Variants in MED13 observed in about 807,000 individuals in gnomAD.
The protein encoded by MED13 is mediator complex subunit 13.
In MED13, 23 loss-of-function variants were observed where a neutral mutation model predicts 225.2. The observed-to-expected ratio is 0.10, with a 90% CI of 0.07 to 0.14. The LOEUF (loss-of-function observed/expected upper bound fraction) is 0.14, where lower values mean the gene tolerates loss of function less well. Ranked by LOEUF, MED13 falls within the 10% of genes least tolerant of loss-of-function variation. MED13 has a pLI of 1.00. For missense variants in MED13, 2,197 were observed against 2,594.5 expected (o/e 0.85, Z 3.33); for synonymous variants, 942 against 889.2 (o/e 1.06, Z -1.06).
chr17:62,033,085 G>A (rs2080771782), intron 5 of MED13, among the ~76,000 whole-genome samples: 1 of 152,044 alleles, frequency 6.6e-6, no homozygotes, highest in Admixed American at 6.6e-5. Flanking sequence ...GGGAGGCGGA[G>A]GAGGTTGCAG....
At chr17:62,062,507 A>G (rs1345335446) in intron 2 of MED13, among the ~76,000 whole-genome samples, 7 of 152,170 alleles carry the variant, frequency 4.6e-5, no homozygotes, top group Admixed American at 1.3e-4. Context: ...TTCCAAAAAT[A>G]ACTAAATTAA....
intron 11 of MED13, among the ~76,000 whole-genome samples, chr17:61,990,639 A>ATG (rs2080289340): frequency 1.4e-5 from 2 of 147,208 alleles, no homozygotes; most frequent in Admixed American, 6.7e-5. Context: ...ATATATATAT[A>ATG]TATATATATA....
At chr17:61,954,201 G>A (rs895366994) in intron 26 of MED13, among the ~76,000 whole-genome samples, 2 of 152,092 alleles carry the variant, frequency 1.3e-5, no homozygotes, top group Admixed American at 6.6e-5. Flanking sequence ...TATAACACAC[G>A]AAAACAAGAG....
At chr17:61,965,581 A>G (rs1051473013) in intron 19 of MED13, 113 bp from the exon 20 acceptor site, 14 of 1,113,680 alleles carry the variant, frequency 1.3e-5, no homozygotes, top group Non-Finnish European at 1.7e-5. Context: ...TGGTAATTAT[A>G]GCCCCGAAAT....
Position 62,063,309 on chromosome 17 carries a change from A to G in MED13, c.67-8T>C. On this transcript the variant is annotated splice_region_variant and splice_polypyrimidine_tract_variant and intron_variant, in intron 1 of 29. Coordinates refer to ENST00000397786, the MANE Select transcript of MED13 (RefSeq NM_005121.3). ...AATTCCTGTCAAGTCAGCCTGAAGGAAAGAAAGCATTAAGTTTTATTACTG... is the reference window on the plus strand; with the variant it reads ...AATTCCTGTCAAGTCAGCCTGAAGGGAAGAAAGCATTAAGTTTTATTACTG... 6.3e-7 allele frequency: 1 copy of G among 1,590,442 alleles called. No homozygotes were observed.
intron 2 of MED13, among the ~76,000 whole-genome samples, chr17:62,057,150 A>T (rs1374113287): frequency 6.6e-6 from 1 of 152,244 alleles, no homozygotes; most frequent in Non-Finnish European, 1.5e-5. Context: ...AAAACTATTA[A>T]AATGTAACAT....
chr17:62,020,833 C>T (rs201139061), intron 8 of MED13, among the ~76,000 whole-genome samples: 22 of 151,358 alleles, frequency 1.5e-4, no homozygotes, highest in Non-Finnish European at 2.4e-4. Flanking sequence ...GAGGACCCTG[C>T]GGCCTTCCTC....
chr17:62,038,030 T>C (rs1005847629), intron 3 of MED13, among the ~76,000 whole-genome samples: 1 of 150,008 alleles, frequency 6.7e-6, no homozygotes, highest in Non-Finnish European at 1.5e-5. Flanking sequence ...TTTTATCTAC[T>C]GTTCCTTTAA....
chr17:62,061,021 A>G (rs943256631), intron 2 of MED13, among the ~76,000 whole-genome samples: 1 of 152,162 alleles, frequency 6.6e-6, no homozygotes, highest in African/African-American at 2.4e-5. Flanking sequence ...TTTTAAAGGT[A>G]CAAGTAACTA....
At position 61,947,694 on chromosome 17, in the gene MED13, G is replaced by T. The variant is rs188724886; in HGVS notation, c.6292-677C>A. On this transcript the variant is annotated intron_variant, in intron 28 of 29. Transcript: ENST00000397786. The stretch of plus-strand genomic sequence containing the variant: ...TAAGTAATACAGTGCACAGATGCCT[G>T]CTTTGCCCACTCAATTTCATAATAG... 3.9e-5 allele frequency among the ~76,000 whole-genome samples: 6 copies of T among 152,312 alleles called. No homozygotes were observed. In the East Asian group the frequency reaches 1.2e-3, roughly 29 times the overall value.
In MED13 at chr17:61,952,945, A is replaced by G. The variant is rs2079909532; in HGVS notation, c.6117+20T>C. On this transcript the variant is annotated intron_variant, in intron 27 of 29. Transcript: ENST00000397786. ...CCACTGCGCCCGGCCGAGAAAAACT[A>G]AAACTTGTAACACAGTTACCTTGCC... The G allele has an allele frequency of 1.2e-6, 2 of 1,605,900 alleles. No homozygotes were observed. Among genetic ancestry groups the G allele is most frequent in the South Asian group, 1.1e-5 (1 of 90,286 alleles).
chr17:61,972,795 C>T lies in MED13; in HGVS notation c.3899G>A (p.Arg1300Lys), dbSNP rs1485720903. 5.6e-6 allele frequency: 9 copies of T among 1,613,770 alleles called. No individual in the cohort carries two copies. The highest frequency in any genetic ancestry group is 4.4e-5 in the South Asian group (4 of 91,060). The change falls in exon 17 of 30, where the codon AGA (arginine) becomes AAA (lysine). Residue 1300 changes from arginine (R) to lysine (K), a missense_variant. Transcript: ENST00000397786. The stretch of plus-strand genomic sequence containing the variant: ...GAGAGGACCCTGAACACCCCAAGGT[C>T]TTACTGTTCTTTTTTTCTGAATGGC... ...QDAIQKKRTV[R>K]PWGVQGPLTW... is the part of the protein sequence containing the mutation.
At chr17:61,996,181 C>A (rs1370054163) in intron 9 of MED13, among the ~76,000 whole-genome samples, 1 of 152,194 alleles carries the variant, frequency 6.6e-6, no homozygotes, top group Non-Finnish European at 1.5e-5. Context: ...AAGAAGCAAG[C>A]TGATCTATAC....
chr17:62,021,723 T>C (rs2080649517), intron 8 of MED13, among the ~76,000 whole-genome samples: 4 of 152,296 alleles, frequency 2.6e-5, no homozygotes, highest in Admixed American at 2.6e-4. Context: ...AAACCAACAT[T>C]TTCTATATGC....
chr17:62,062,600 C>CACACA (rs914034052), intron 2 of MED13, among the ~76,000 whole-genome samples: 1 of 136,302 alleles, frequency 7.3e-6, no homozygotes, highest in East Asian at 2.7e-4. Flanking sequence ...CACACACACA[C>CACACA]CACACACACA....
In MED13 at chr17:61,946,629, T is replaced by C. The variant is rs916478136; in HGVS notation, c.6393-29A>G. 13 of 1,602,020 alleles carry C rather than the reference T, an allele frequency of 8.1e-6. No homozygotes were observed. The African/African-American group carries it at 1.6e-4, about 20-fold the overall frequency. ...AAAAGCAAATAAACTGCATAAGTCA[T>C]TTATTTATTTCCAACCTAGATTTTG... On this transcript the variant is annotated intron_variant, in intron 29 of 29. Coordinates refer to ENST00000397786, the MANE Select transcript of MED13 (RefSeq NM_005121.3).
At chr17:61,987,657 A>T (rs1213553412) in intron 11 of MED13, among the ~76,000 whole-genome samples, 1 of 152,218 alleles carries the variant, frequency 6.6e-6, no homozygotes, top group Non-Finnish European at 1.5e-5. Context: ...AATCCATAAA[A>T]TAGCTAAGTA....
chr17:62,048,036 A>ACATATG (rs2080914513), intron 3 of MED13, among the ~76,000 whole-genome samples: 2 of 124,326 alleles, frequency 1.6e-5, no homozygotes, highest in African/African-American at 6.2e-5. Flanking sequence ...ATATACATAT[A>ACATATG]CATATACATA....
At chr17:62,044,886 T>C (rs1007918518) in intron 3 of MED13, among the ~76,000 whole-genome samples, 3 of 152,196 alleles carry the variant, frequency 2.0e-5, no homozygotes, top group African/African-American at 4.8e-5. Flanking sequence ...AGTCTCGAAC[T>C]CCTGACCTCA....
Sources: gnomAD v4.1 joint callset for allele counts (sites outside exome capture counted in the v4.1 genomes callset) on GRCh38, gnomAD v4.1.1 for gene constraint, MANE v1.5 for transcripts, NCBI Gene and HGNC (gene_info 2026-07-23, HGNC 2026-07-21) for gene names.